GRID1: variants seen among roughly 807,000 people sequenced by gnomAD.
The protein encoded by GRID1 is glutamate receptor ionotropic, delta-1.
GRID1 carries 28 observed loss-of-function variants against 98.0 expected under a neutral mutation model. The ratio of observed to expected loss-of-function variants is 0.29; its 90% CI spans 0.21 to 0.39. GRID1 has a LOEUF of 0.39. GRID1 is among the 10% of genes least tolerant of loss of function. GRID1 has a pLI of 1.00. For synonymous variants in GRID1, 553 were observed against 538.5 expected, an observed-to-expected ratio of 1.03 and a Z score of -0.37; for missense variants, 1,111 against 1,340.5, an observed-to-expected ratio of 0.83 and a Z score of 2.67.
chr10:86,085,130 C>T (rs1844032220), intron 4 of GRID1, among the ~76,000 whole-genome samples: 1 of 152,252 alleles, frequency 6.6e-6, no homozygotes, highest in South Asian at 2.1e-4. Flanking sequence ...ATAAGCCTCT[C>T]TCTCACTGCT....
intron 2 of GRID1, among the ~76,000 whole-genome samples, chr10:86,328,823 C>T (rs1589450874): frequency 6.6e-6 from 1 of 151,912 alleles, no homozygotes. Context: ...AGCTGTGAGA[C>T]TCCCAGGACT....
chr10:85,791,491 C>T lies in GRID1; in HGVS notation c.1234-61877G>A, dbSNP rs573616754. Among the ~76,000 whole-genome samples, 3 of 152,316 alleles carry T rather than the reference C, an allele frequency of 2.0e-5. No individual in the cohort carries two copies. In the South Asian group the frequency reaches 6.2e-4, roughly 32 times the overall value. ...AAGCCAAGGACGGCCCCAGCAAGCT[C>T]CTGACCCTGGTCCCCAGTCCCTCCC... On this transcript the variant is annotated intron_variant, in intron 8 of 15. Transcript: ENST00000327946.
At position 86,055,926 on chromosome 10, in the gene GRID1, G is replaced by A. The variant is rs370522098; in HGVS notation, c.726+82893C>T. Among the ~76,000 whole-genome samples, 18 of 152,194 alleles carry A rather than the reference G, an allele frequency of 1.2e-4. No homozygotes were observed. In the South Asian group the frequency reaches 2.7e-3, roughly 23 times the overall value. ...CCAACAGTGCTAGTACCCTGATATC[G>A]AACTTCCCAGCCTCCAGAAATGTGA... On this transcript the variant is annotated intron_variant, in intron 4 of 15. Coordinates refer to ENST00000327946, the MANE Select transcript of GRID1 (RefSeq NM_017551.3).
intron 2 of GRID1, among the ~76,000 whole-genome samples, chr10:86,208,058 A>G (rs1469567675): frequency 6.6e-6 from 1 of 152,180 alleles, no homozygotes. Flanking sequence ...AATGCCTCAG[A>G]TAAGGCTGGG....
chr10:85,931,592 G>A (rs550145049), intron 4 of GRID1, among the ~76,000 whole-genome samples: 1 of 152,056 alleles, frequency 6.6e-6, no homozygotes, highest in African/African-American at 2.4e-5. Flanking sequence ...CTTTTTCATA[G>A]CAACCTGTTC....
At chr10:85,634,249 C>CCTCTCT (rs775506130) in intron 13 of GRID1, among the ~76,000 whole-genome samples, 2,783 of 92,204 alleles carry the variant, frequency 0.03, 126 homozygotes, top group East Asian at 0.099. Context: ...TGATGGGGCA[C>CCTCTCT]CTCTCTCTCT....
At chr10:85,694,590 ATATATATATAT>A (rs1841372228) in intron 12 of GRID1, among the ~76,000 whole-genome samples, 3 of 117,432 alleles carry the variant, frequency 2.6e-5, no homozygotes, top group Non-Finnish European at 5.3e-5. Context: ...ATATATATAT[ATATATATATAT>A]AATGGAATAT....
chr10:85,841,853 G>A (rs7075593), intron 8 of GRID1, among the ~76,000 whole-genome samples: 1 of 151,990 alleles, frequency 6.6e-6, no homozygotes, highest in African/African-American at 2.4e-5. Context: ...ATGGAGAAAA[G>A]GGAACACTTA....
rs151070521 is a variant in GRID1 at position 86,125,516 on chromosome 10, T to C, written c.726+13303A>G. Among the ~76,000 whole-genome samples the C allele has an allele frequency of 1.4e-4, 22 of 152,298 alleles. No individual in the cohort carries two copies. The East Asian group carries it at 3.9e-3, about 27-fold the overall frequency. On this transcript the variant is annotated intron_variant, in intron 4 of 15. Transcript: ENST00000327946. ...TAATGGTTAAAGAGCTCAGTTCACA[T>C]TTAGAGTAGAATTTGAGCAATGGTG... is the stretch of plus-strand genomic sequence containing the variant.
chr10:85,681,332 A>G (rs984283645), intron 12 of GRID1, among the ~76,000 whole-genome samples: 3 of 152,174 alleles, frequency 2.0e-5, no homozygotes, highest in Non-Finnish European at 4.4e-5. Flanking sequence ...TTTAAAATGT[A>G]TTATCTATTT....
chr10:85,981,200 G>A (rs2131861252), intron 4 of GRID1, among the ~76,000 whole-genome samples: 1 of 152,324 alleles, frequency 6.6e-6, no homozygotes, highest in South Asian at 2.1e-4. Flanking sequence ...GCAGCCAACA[G>A]CAATGAATAT....
intron 2 of GRID1, among the ~76,000 whole-genome samples, chr10:86,208,275 C>T (rs1416486801): frequency 6.6e-6 from 1 of 152,170 alleles, no homozygotes; most frequent in African/African-American, 2.4e-5. Context: ...AGGCCACCGG[C>T]AGGGGGTAGC....
intron 3 of GRID1, among the ~76,000 whole-genome samples, chr10:86,180,719 C>T (rs1379585399): frequency 6.6e-6 from 1 of 152,174 alleles, no homozygotes; most frequent in African/African-American, 2.4e-5. Flanking sequence ...CTGCAGCTCA[C>T]AGGAGCAGGG....
At chr10:86,148,160 A>G (rs779294053) in intron 3 of GRID1, among the ~76,000 whole-genome samples, 25 of 152,248 alleles carry the variant, frequency 1.6e-4, no homozygotes, top group Non-Finnish European at 3.4e-4. Context: ...TAAAGCCTGT[A>G]TTAAAACTCC....
In GRID1 at chr10:85,677,363, T is replaced by C. The variant is rs376687590; in HGVS notation, c.1998-29966A>G. ...GAAAAGGGACAGGCATGAGGCATCC[T>C]TGTGATTCAGTTGAGGGGGAGTAGG... On this transcript the variant is annotated intron_variant, in intron 12 of 15. Coordinates refer to ENST00000327946, the MANE Select transcript of GRID1 (RefSeq NM_017551.3). Among the ~76,000 whole-genome samples, 250 of 152,274 alleles carry C rather than the reference T, an allele frequency of 1.6e-3. 1 individual carries two copies. Among genetic ancestry groups the C allele is most frequent in the South Asian group, 3.3e-3 (16 of 4,810 alleles).
intron 2 of GRID1, among the ~76,000 whole-genome samples, chr10:86,239,305 G>A (rs908997074): frequency 6.6e-6 from 1 of 152,200 alleles, no homozygotes; most frequent in African/African-American, 2.4e-5. Context: ...GCCAATGCCT[G>A]CACCCCCATT....
At chr10:85,659,364 T>C (rs947418522) in intron 12 of GRID1, among the ~76,000 whole-genome samples, 1 of 152,178 alleles carries the variant, frequency 6.6e-6, no homozygotes, top group Non-Finnish European at 1.5e-5. Flanking sequence ...GGAGTGGTTG[T>C]GAGTTCCTCA....
At chr10:86,002,478 T>C (rs1208727877) in intron 4 of GRID1, among the ~76,000 whole-genome samples, 3 of 152,058 alleles carry the variant, frequency 2.0e-5, no homozygotes, top group Non-Finnish European at 4.4e-5. Flanking sequence ...TAAAACTTAA[T>C]GTCTTTTTGC....
rs577820538 is a variant in GRID1 at position 85,815,333 on chromosome 10, C to T, written c.1233+39163G>A. On this transcript the variant is annotated intron_variant, in intron 8 of 15. Coordinates refer to ENST00000327946, the MANE Select transcript of GRID1 (RefSeq NM_017551.3). ...AATGCTTTCTCCCTAAGAGTGGGAA[C>T]GAGGAAGGAATGCCTTATTTCACAA... is the stretch of plus-strand genomic sequence containing the variant. Among the ~76,000 whole-genome samples the T allele has an allele frequency of 5.9e-5, 9 of 151,848 alleles. No homozygotes were observed. The South Asian group carries it at 1.5e-3, about 25-fold the overall frequency.
Sources: gnomAD v4.1 joint callset for allele counts (sites outside exome capture counted in the v4.1 genomes callset) on GRCh38, gnomAD v4.1.1 for gene constraint, MANE v1.5 for transcripts, NCBI Gene and HGNC (gene_info 2026-07-23, HGNC 2026-07-21) for gene names.